Variants in UMAD1 observed in about 807,000 individuals in gnomAD.
UMAD1 encodes UBAP1-MVB12-associated (UMA) domain containing 1, also known as UBAP1-MVB12-associated (UMA)-domain containing protein 1.
Under a neutral mutation model 6.1 loss-of-function variants are expected in UMAD1, and 8 were observed. That is an observed-to-expected ratio of 1.30 (90% CI 0.76 to 2.35). The LOEUF (loss-of-function observed/expected upper bound fraction) is 2.35, where lower values mean the gene tolerates loss of function less well. Ranked by LOEUF, UMAD1 falls within the 30% of genes most tolerant of loss-of-function variation. The pLI is 0.00. For synonymous variants in UMAD1, 56 were observed against 31.4 expected, an observed-to-expected ratio of 1.78 and a Z score of -2.61; for missense variants, 130 against 78.4, an observed-to-expected ratio of 1.66 and a Z score of -2.49.
chr7:7,860,643 C>T (rs1420914484), intron 3 of UMAD1, among the ~76,000 whole-genome samples: 6 of 145,994 alleles, frequency 4.1e-5, no homozygotes, highest in African/African-American at 1.0e-4. Flanking sequence ...GGCATGGTGG[C>T]GGGCACCTGT....
At chr7:7,851,980 T>C (rs889896629) in intron 3 of UMAD1, among the ~76,000 whole-genome samples, 1 of 152,164 alleles carries the variant, frequency 6.6e-6, no homozygotes, top group African/African-American at 2.4e-5. Flanking sequence ...TTTACCCTTA[T>C]GTTTTCTTCT....
chr7:7,649,008 A>G (rs370174333), intron 1 of UMAD1, among the ~76,000 whole-genome samples: 10 of 152,136 alleles, frequency 6.6e-5, no homozygotes, highest in African/African-American at 1.9e-4. Context: ...AAGTACAAAA[A>G]TTAGCCAGGC....
intron 2 of UMAD1, among the ~76,000 whole-genome samples, chr7:7,720,373 C>T (rs891415573): frequency 1.3e-5 from 2 of 152,098 alleles, no homozygotes; most frequent in Non-Finnish European, 2.9e-5. Flanking sequence ...GGGCCTCTTC[C>T]CCATCACTTC....
At chr7:7,797,218 A>G (rs544895798) in intron 2 of UMAD1, among the ~76,000 whole-genome samples, 1 of 152,214 alleles carries the variant, frequency 6.6e-6, no homozygotes, top group South Asian at 2.1e-4. Flanking sequence ...CACCTCTCAC[A>G]TGGACTAATA....
rs564444702 is a variant in UMAD1, at chr7:7,697,375, A to G, written c.82+23922A>G. 7.9e-4 allele frequency among the ~76,000 whole-genome samples: 121 copies of G among 152,308 alleles called. 2 individuals are homozygous for G. Among genetic ancestry groups the G allele is most frequent in the African/African-American group, 2.9e-3 (119 of 41,570 alleles). The stretch of plus-strand genomic sequence containing the variant: ...CAGCATTTAATTTGTTTTCTTCTAA[A>G]ACACCTATGAAACAGATAAATTATC... On this transcript the variant is annotated intron_variant, in intron 2 of 3. Transcript: ENST00000682710.
chr7:7,739,729 C>G (rs1199165936), intron 2 of UMAD1, among the ~76,000 whole-genome samples: 1 of 152,084 alleles, frequency 6.6e-6, no homozygotes, highest in Non-Finnish European at 1.5e-5. Flanking sequence ...TTATACTAAT[C>G]GAGTTATTTT....
intron 2 of UMAD1, among the ~76,000 whole-genome samples, chr7:7,675,908 G>T (rs1583721808): frequency 1.3e-5 from 2 of 152,228 alleles, no homozygotes; most frequent in African/African-American, 4.8e-5. Context: ...GCTTGTCTCT[G>T]TTTAGCCTCA....
chr7:7,686,506 G>GA (rs1468571244), intron 2 of UMAD1, among the ~76,000 whole-genome samples: 4 of 152,096 alleles, frequency 2.6e-5, no homozygotes, highest in African/African-American at 9.7e-5. Flanking sequence ...ATCTTTTAAT[G>GA]AAAAAACTAA....
chr7:7,795,987 C>G (rs146132968), intron 2 of UMAD1, among the ~76,000 whole-genome samples: 169 of 152,152 alleles, frequency 1.1e-3, no homozygotes, highest in African/African-American at 3.8e-3. Context: ...TATCCAGATC[C>G]TATTCAAGAT....
chr7:7,820,271 C>A (rs181615644), intron 3 of UMAD1, among the ~76,000 whole-genome samples: 2 of 151,940 alleles, frequency 1.3e-5, no homozygotes, highest in South Asian at 4.2e-4. Context: ...CATTTTCTGA[C>A]GTATTTAACT....
chr7:7,750,923 A>G (rs1410253320), intron 2 of UMAD1, among the ~76,000 whole-genome samples: 1 of 152,242 alleles, frequency 6.6e-6, no homozygotes, highest in Non-Finnish European at 1.5e-5. Context: ...CAGTGTCAAT[A>G]AAGTATTTAA....
intron 1 of UMAD1, among the ~76,000 whole-genome samples, chr7:7,655,075 T>A (rs1283936075): frequency 1.3e-5 from 2 of 152,218 alleles, no homozygotes; most frequent in Non-Finnish European, 1.5e-5. Context: ...CAGGATTTAC[T>A]GTTATAGTAA....
chr7:7,682,545 G>T (rs568252781), intron 2 of UMAD1, among the ~76,000 whole-genome samples: 10 of 152,254 alleles, frequency 6.6e-5, no homozygotes, highest in African/African-American at 2.4e-4. Flanking sequence ...AGGAATGAGG[G>T]ACAGTAAGTC....
chr7:7,827,143 A>ATGTGTGTGTGTGTG (rs1360833680), intron 3 of UMAD1, among the ~76,000 whole-genome samples: 2 of 135,140 alleles, frequency 1.5e-5, no homozygotes, highest in African/African-American at 5.8e-5. Context: ...ATATATATAT[A>ATGTGTGTGTGTGTG]TATATGTGTG....
In UMAD1 at chr7:7,713,478, T is replaced by G. The variant is rs1780817187; in HGVS notation, c.82+40025T>G. 2.0e-5 allele frequency among the ~76,000 whole-genome samples: 3 copies of G among 151,932 alleles called. No homozygotes were observed. In the South Asian group the frequency reaches 6.3e-4, roughly 32 times the overall value. ...CATTATGTTCTGCTCCTCCCCCCCATGGCAATATTGTTTATTTATTGCTTT... is the reference window on the plus strand; with the variant it reads ...CATTATGTTCTGCTCCTCCCCCCCAGGGCAATATTGTTTATTTATTGCTTT... On this transcript the variant is annotated intron_variant, in intron 2 of 3. Transcript: ENST00000682710.
chr7:7,742,997 G>T (rs1197506389), intron 2 of UMAD1, among the ~76,000 whole-genome samples: 1 of 138,984 alleles, frequency 7.2e-6, no homozygotes, highest in African/African-American at 2.8e-5. Context: ...CCATGCACTA[G>T]GTTGTTTTTG....
At chr7:7,769,332 G>C (rs1646448904) in intron 2 of UMAD1, among the ~76,000 whole-genome samples, 1 of 151,830 alleles carries the variant, frequency 6.6e-6, no homozygotes, top group Admixed American at 6.6e-5. Context: ...TTTTTTTTAA[G>C]TTTTGGAGAA....
intron 2 of UMAD1, among the ~76,000 whole-genome samples, chr7:7,766,816 A>G (rs1317429036): frequency 1.3e-5 from 2 of 152,168 alleles, no homozygotes; most frequent in East Asian, 3.8e-4. Flanking sequence ...TTATTCATTT[A>G]TTTTGAAATA....
intron 2 of UMAD1, among the ~76,000 whole-genome samples, chr7:7,752,628 T>C (rs1423294553): frequency 6.6e-6 from 1 of 152,138 alleles, no homozygotes. Context: ...ATTCTTTTTA[T>C]AGCATAATTA....
Sources: gnomAD v4.1 joint callset for allele counts (sites outside exome capture counted in the v4.1 genomes callset) on GRCh38, gnomAD v4.1.1 for gene constraint, MANE v1.5 for transcripts, NCBI Gene and HGNC (gene_info 2026-07-23, HGNC 2026-07-21) for gene names.